TOP3A: variants seen among roughly 807,000 people sequenced by gnomAD.
The protein encoded by TOP3A is DNA topoisomerase III alpha, also known as DNA topoisomerase 3-alpha.
In TOP3A, 64 loss-of-function variants were observed where a neutral mutation model predicts 111.3. The observed-to-expected ratio is 0.57, with a 90% CI of 0.47 to 0.71. TOP3A has a LOEUF of 0.71. TOP3A is among the 30% of genes least tolerant of loss of function. The pLI is 0.00. For synonymous variants in TOP3A, 484 were observed against 485.1 expected (o/e 1.00, Z 0.03); for missense variants, 1,104 against 1,285.0 (o/e 0.86, Z 2.15).
intron 9 of TOP3A, 38 bp downstream of exon 9, chr17:18,299,521 G>A (rs1981088225): frequency 1.3e-6 from 2 of 1,591,412 alleles, no homozygotes; most frequent in South Asian, 1.1e-5. Context: ...AACAGTAAGT[G>A]TTCCCCGAGT....
chr17:18,275,006 G>T (rs1319832592), intron 18 of TOP3A, 26 bp from the exon 19 acceptor site: 6 of 1,609,748 alleles, frequency 3.7e-6, no homozygotes, highest in Non-Finnish European at 4.2e-6. Context: ...GGGGAGGGGT[G>T]AGGTTAGAAC....
chr17:18,286,409 A>C (rs560791430), intron 13 of TOP3A, among the ~76,000 whole-genome samples: 2 of 152,006 alleles, frequency 1.3e-5, no homozygotes, highest in East Asian at 3.9e-4. Context: ...CCAGCTACTC[A>C]GGAGGCTGAC....
Position 18,302,002 on chromosome 17 carries a change from C to T in TOP3A, c.815-17G>A. The T allele has an allele frequency of 6.2e-7, 1 of 1,606,620 alleles. No individual in the cohort carries two copies. The highest frequency in any genetic ancestry group is 8.5e-7 in the Non-Finnish European group (1 of 1,173,584). On this transcript the variant is annotated splice_polypyrimidine_tract_variant and intron_variant, in intron 7 of 18. Coordinates refer to ENST00000321105, the MANE Select transcript of TOP3A (RefSeq NM_004618.5). ...CATGAGTTACTATATTAAGGAGAGA[C>T]AAACAGAAAGGCTGTGTCTCAGAGA...
chr17:18,288,149 A>ATATATATATATATATATATATATAT (rs1301508954), intron 13 of TOP3A, among the ~76,000 whole-genome samples: 11 of 121,866 alleles, frequency 9.0e-5, no homozygotes, highest in African/African-American at 3.7e-4. Context: ...ATATATATAT[A>ATATATATATATATATATATATATAT]AATTTTTTTT....
chr17:18,280,399 G>T, intron 17 of TOP3A, 137 bp downstream of exon 17: 1 of 968,954 alleles, frequency 1.0e-6, no homozygotes. Context: ...CTGCTGAACT[G>T]GCTGCTGCAG....
At position 18,280,667 on chromosome 17, in the gene TOP3A, A is replaced by T. The variant is rs1979703411; in HGVS notation, c.2022-9T>A. On this transcript the variant is annotated splice_polypyrimidine_tract_variant and intron_variant, in intron 16 of 18. Coordinates refer to ENST00000321105, the MANE Select transcript of TOP3A (RefSeq NM_004618.5). ...TGCAGCTGAGGTAGAACCTGGGGAC[A>T]AAGTGCCATGTCAGATGATAGGAGT... 6.2e-7 allele frequency: 1 copy of T among 1,613,734 alleles called. No homozygotes were observed. Among genetic ancestry groups the T allele is most frequent in the African/African-American group, 1.3e-5 (1 of 74,940 alleles).
chr17:18,300,301 G>A (rs1260640583), intron 8 of TOP3A, among the ~76,000 whole-genome samples: 1 of 151,960 alleles, frequency 6.6e-6, no homozygotes, highest in Non-Finnish European at 1.5e-5. Flanking sequence ...GGCTGAGGCA[G>A]GAGAATCGCT....
intron 8 of TOP3A, among the ~76,000 whole-genome samples, chr17:18,300,491 G>A (rs149478871): frequency 5.9e-4 from 89 of 152,102 alleles, no homozygotes; most frequent in African/African-American, 2.0e-3. Context: ...ACGTAGTCCC[G>A]CACCACATCC....
chr17:18,282,279 C>G (rs1420614589), intron 16 of TOP3A, among the ~76,000 whole-genome samples: 1 of 152,188 alleles, frequency 6.6e-6, no homozygotes, highest in East Asian at 1.9e-4. Context: ...CTTAACACAG[C>G]CTTGTAAGTA....
At chr17:18,287,685 C>T (rs1460229307) in intron 13 of TOP3A, among the ~76,000 whole-genome samples, 2 of 151,960 alleles carry the variant, frequency 1.3e-5, no homozygotes, top group Non-Finnish European at 2.9e-5. Flanking sequence ...GAGTAAGATG[C>T]TATCTCTCCA....
chr17:18,285,755 CT>C (rs1304523050), intron 13 of TOP3A, among the ~76,000 whole-genome samples: 2 of 152,198 alleles, frequency 1.3e-5, no homozygotes, highest in Non-Finnish European at 2.9e-5. Flanking sequence ...CTTCAAAGCT[CT>C]TTTTAAAAAT....
rs1396308342 is a variant in TOP3A, at chr17:18,278,086, C to T, written c.2416G>A (p.Gly806Ser). ...TTGCAGGTCACAGAATTGCTTTCAC[C>T]AGCAGCCGTGGGTGGTGGGAGGGTC... is the stretch of plus-strand genomic sequence containing the variant. Reference protein sequence around the residue: ...AQTLPPPTAAGESNSVTCNCG... With the variant: ...AQTLPPPTAASESNSVTCNCG... Residue 806 changes from glycine to serine, a missense_variant, in exon 18 of 19, where the codon GGT (glycine) becomes AGT (serine). Coordinates refer to ENST00000321105, the MANE Select transcript of TOP3A (RefSeq NM_004618.5). The T allele has an allele frequency of 3.1e-6, 5 of 1,614,238 alleles. No homozygotes were observed. The highest frequency in any genetic ancestry group is 4.5e-5 in the East Asian group (2 of 44,882).
chr17:18,306,332 G>T (rs1280624836), intron 4 of TOP3A, among the ~76,000 whole-genome samples: 1 of 152,172 alleles, frequency 6.6e-6, no homozygotes, highest in Admixed American at 6.5e-5. Flanking sequence ...AACAAGGGGT[G>T]AGATGGGGGC....
Position 18,308,333 on chromosome 17 carries a change from C to T in TOP3A, c.314+18G>A, listed in dbSNP as rs1362959381. 6.6e-7 allele frequency: 1 copy of T among 1,525,260 alleles called. No homozygotes were observed. The highest frequency in any genetic ancestry group is 1.4e-5 in the African/African-American group (1 of 72,686). 94.5% of individuals were successfully genotyped at this position (1,525,260 alleles called of 1,614,324 possible). ...CTTACTATAATCTGAAAGTCCTTCC[C>T]TTGAGAATTGTACTGACCATTTTCG... On this transcript the variant is annotated intron_variant, in intron 3 of 18. Coordinates refer to ENST00000321105, the MANE Select transcript of TOP3A (RefSeq NM_004618.5).
chr17:18,282,646 G>A, intron 16 of TOP3A, 52 bp downstream of exon 16: 1 of 1,607,922 alleles, frequency 6.2e-7, no homozygotes, highest in Non-Finnish European at 8.5e-7. Context: ...AGCTACGGCT[G>A]ACACCGCAGG....
In TOP3A at chr17:18,278,176, C is replaced by T. The variant is rs1979519862; in HGVS notation, c.2326G>A (p.Asp776Asn). ...LQANQSLNRMDNSQHPQPADS... is the reference protein window; with the variant it reads ...LQANQSLNRMNNSQHPQPADS... ...GCAGGCTGGGGGTGCTGGCTGTTGT[C>T]CATCCTGTTCAGGGACTGGTTAGCC... is the stretch of plus-strand genomic sequence containing the variant. The change falls in exon 18 of 19, where the codon GAC becomes AAC. Residue 776 changes from aspartate to asparagine, a missense_variant. Physicochemically the swap from Asp to Asn is conservative, Grantham distance 23. Coordinates refer to ENST00000321105, the MANE Select transcript of TOP3A (RefSeq NM_004618.5). 1 of 1,613,942 alleles carries T rather than the reference C, an allele frequency of 6.2e-7. No homozygotes were observed. Among genetic ancestry groups the T allele is most frequent in the South Asian group, 1.1e-5 (1 of 91,078 alleles).
rs1456822952 is a variant in TOP3A at position 18,274,723 on chromosome 17, C to A, written c.*79G>T. On this transcript the variant is annotated 3_prime_UTR_variant, in exon 19 of 19. Coordinates refer to ENST00000321105, the MANE Select transcript of TOP3A (RefSeq NM_004618.5). ...CTAAGTTTCCAGGACACTAAATGGC[C>A]ACTTGGTCCTGGTTAACTCATTTCT... The A allele has an allele frequency of 2.6e-6, 4 of 1,535,254 alleles. No individual in the cohort carries two copies. The highest frequency in any genetic ancestry group is 1.4e-5 in the African/African-American group (1 of 72,200).
chr17:18,281,557 A>G (rs916188640), intron 16 of TOP3A, among the ~76,000 whole-genome samples: 1 of 152,234 alleles, frequency 6.6e-6, no homozygotes, highest in African/African-American at 2.4e-5. Context: ...ATAGCAAGGA[A>G]AACCCATCGA....
At position 18,274,077 on chromosome 17, in the gene TOP3A, C is replaced by G. The variant is rs1227516923; in HGVS notation, c.*725G>C. On this transcript the variant is annotated 3_prime_UTR_variant, in exon 19 of 19. Coordinates refer to ENST00000321105, the MANE Select transcript of TOP3A (RefSeq NM_004618.5). Reference sequence around the variant, plus strand: ...TCAGCCTCCTGAGTAGCCGGGTCTACAGGCGCACACCGCCACACCTGGCTA... The same window carrying G: ...TCAGCCTCCTGAGTAGCCGGGTCTAGAGGCGCACACCGCCACACCTGGCTA... 6.6e-6 allele frequency: 1 copy of G among 152,234 alleles called. No individual in the cohort carries two copies. Among genetic ancestry groups the G allele is most frequent in the East Asian group, 1.9e-4 (1 of 5,192 alleles). 9.4% of individuals were successfully genotyped at this position (152,234 alleles called of 1,614,324 possible). A position where few individuals can be genotyped will look rare whatever the true frequency, so the allele number is the denominator to read the frequency against.
Sources: allele counts gnomAD v4.1 joint callset (sites outside exome capture counted in the v4.1 genomes callset), GRCh38; gene constraint gnomAD v4.1.1; transcripts MANE v1.5; gene names NCBI Gene and HGNC (gene_info 2026-07-23, HGNC 2026-07-21).